Variants in PBX2 observed in about 807,000 individuals in gnomAD.
PBX2 encodes PBX homeobox 2.
PBX2 carries 10 observed loss-of-function variants against 46.5 expected under a neutral mutation model. That is an observed-to-expected ratio of 0.21 (90% CI 0.13 to 0.36). The LOEUF is 0.36. Ranked by LOEUF, PBX2 falls within the 10% of genes least tolerant of loss-of-function variation. PBX2 has a pLI of 1.00. For missense variants in PBX2, 392 were observed against 580.5 expected (o/e 0.68, Z 3.34); for synonymous variants, 160 against 222.5 (o/e 0.72, Z 2.50).
chr6:32,189,127 C>G lies in PBX2; in HGVS notation c.222-331G>C, dbSNP rs2269421. 1,877 of 453,642 alleles carry G rather than the reference C, an allele frequency of 4.1e-3. 66 individuals are homozygous for G. The East Asian group carries it at 0.068, about 17-fold the overall frequency. 28.1% of individuals were successfully genotyped at this position (453,642 alleles called of 1,614,324 possible). On this transcript the variant is annotated intron_variant, in intron 1 of 8. Coordinates refer to ENST00000375050, the MANE Select transcript of PBX2 (RefSeq NM_002586.5). This position sits in a 1 kb window ranked among gnomAD's most constrained non-coding sequence, Gnocchi z 4.7. ...TTGGTAGGTTTCAGAGGGAGAGAGA[C>G]AGAGGCTGGGGTTGAGAAGAGTCAG... is the stretch of plus-strand genomic sequence containing the variant.
Position 32,186,850 on chromosome 6 carries a change from A to G in PBX2, c.1076T>C (p.Met359Thr), listed in dbSNP as rs1202818760. The G allele has an allele frequency of 1.2e-6, 2 of 1,614,178 alleles. No homozygotes were observed. ...ATAGGAATCTCCGTTGAGCCCAGGC[A>G]TCCCCAGAAACATGTCTCCAGATCC... ...LSGSGDMFLG[M>T]PGLNGDSYSA... is the part of the protein sequence containing the mutation. The change falls in exon 7 of 9, where the codon ATG (methionine) becomes ACG (threonine). Residue 359 changes from methionine (M) to threonine (T), a missense_variant. Physicochemically the swap from Met to Thr is moderately conservative, Grantham distance 81 (BLOSUM62 -1). Around this residue, in one of 3 missense-constraint regions of PBX2, gnomAD observed 116 missense variants for 157.9 expected, o/e 0.73. Coordinates refer to ENST00000375050, the MANE Select transcript of PBX2 (RefSeq NM_002586.5). This position sits in a 1 kb window ranked among gnomAD's most constrained non-coding sequence, Gnocchi z 4.2.
chr6:32,186,624 A>G lies in PBX2; in HGVS notation c.1180T>C (p.Tyr394His). 1.9e-6 allele frequency: 3 copies of G among 1,611,754 alleles called. No individual in the cohort carries two copies. The highest frequency in any genetic ancestry group is 2.5e-6 in the Non-Finnish European group (3 of 1,177,928). ...CTCACCCTCATTTCCCGTGGGCTGT[A>G]CATCTGGCCTCCCCCGAGGTTATCC... ...YGDNLGGGQM[Y>H]SPREMRANGS... is the part of the protein sequence containing the mutation. Residue 394 changes from tyrosine to histidine, a missense_variant, in exon 8 of 9, where the codon TAC becomes CAC. Tyr to His is a moderately conservative substitution (Grantham distance 83). Coordinates refer to ENST00000375050, the MANE Select transcript of PBX2 (RefSeq NM_002586.5). This position sits in a 1 kb window ranked among gnomAD's most constrained non-coding sequence, Gnocchi z 4.2.
Position 32,189,767 on chromosome 6 carries a change from T to C in PBX2, c.149A>G (p.Lys50Arg). Residue 50 changes from lysine to arginine, a missense_variant, in exon 1 of 9, where the codon AAG becomes AGG. By Grantham distance (26) the Lys-to-Arg change is conservative (BLOSUM62 2). Coordinates refer to ENST00000375050, the MANE Select transcript of PBX2 (RefSeq NM_002586.5). The surrounding 1 kb of genome is among the most constrained non-coding windows in gnomAD (Gnocchi z 4.7). Reference sequence around the variant, plus strand: ...CTGCAGAATGTCCCCGATGTCTTGCTTCCCTCGGCCTCCCGGGACCCCCCC... The same window carrying C: ...CTGCAGAATGTCCCCGATGTCTTGCCTCCCTCGGCCTCCCGGGACCCCCCC... Reference protein sequence around the residue: ...GSGGVPGGRGKQDIGDILQQI... With the variant: ...GSGGVPGGRGRQDIGDILQQI... 6.2e-7 allele frequency: 1 copy of C among 1,605,990 alleles called. No individual in the cohort carries two copies. Among genetic ancestry groups the C allele is most frequent in the Non-Finnish European group, 8.5e-7 (1 of 1,176,580 alleles).
In PBX2 at chr6:32,186,948, G is replaced by A. The variant is rs1236656384; in HGVS notation, c.1025-47C>T. On this transcript the variant is annotated intron_variant, in intron 6 of 8. Coordinates refer to ENST00000375050, the MANE Select transcript of PBX2 (RefSeq NM_002586.5). This position sits in a 1 kb window ranked among gnomAD's most constrained non-coding sequence, Gnocchi z 4.2. The stretch of plus-strand genomic sequence containing the variant: ...GAGTGTAATAGAGCCCGTGATGGTA[G>A]AGGATGAACCACAACTCTCAACTCT... 3 of 1,512,208 alleles carry A rather than the reference G, an allele frequency of 2.0e-6. No individual in the cohort carries two copies. Among genetic ancestry groups the A allele is most frequent in the Non-Finnish European group, 2.8e-6 (3 of 1,089,618 alleles). 93.7% of individuals were successfully genotyped at this position (1,512,208 alleles called of 1,614,324 possible).
In PBX2 at chr6:32,187,009, A is replaced by C; in HGVS notation, c.1025-108T>G. The C allele has an allele frequency of 8.8e-7, 1 of 1,132,288 alleles. No individual in the cohort carries two copies. The highest frequency in any genetic ancestry group is 1.3e-6 in the Non-Finnish European group (1 of 770,922). The allele number at this position is 1,132,288 out of a possible 1,614,324, so 70.1% of individuals were successfully genotyped here. ...TGCTACTATACTCCAATTATCCACAAAATAACATTCCAACACACAGAAAGA... is the reference window on the plus strand; with the variant it reads ...TGCTACTATACTCCAATTATCCACACAATAACATTCCAACACACAGAAAGA... On this transcript the variant is annotated intron_variant, in intron 6 of 8. Transcript: ENST00000375050. The surrounding 1 kb of genome is among the most constrained non-coding windows in gnomAD (Gnocchi z 7.7).
rs1369017994 is a variant in PBX2 at position 32,186,764 on chromosome 6, G to T, written c.1113+49C>A. ...AAGAGGTCTTGTATCCTAAAGTAGA[G>T]GAAATGGAGTTGGGGAAAGCCCTAT... On this transcript the variant is annotated intron_variant, in intron 7 of 8. Transcript: ENST00000375050. This position sits in a 1 kb window ranked among gnomAD's most constrained non-coding sequence, Gnocchi z 4.2. 1 of 1,598,898 alleles carries T rather than the reference G, an allele frequency of 6.3e-7. No individual in the cohort carries two copies. Among genetic ancestry groups the T allele is most frequent in the Non-Finnish European group, 8.6e-7 (1 of 1,166,138 alleles).
rs896827069 is a variant in PBX2, at chr6:32,186,802, G to A, written c.1113+11C>T. On this transcript the variant is annotated intron_variant, in intron 7 of 8. Coordinates refer to ENST00000375050, the MANE Select transcript of PBX2 (RefSeq NM_002586.5). This position sits in a 1 kb window ranked among gnomAD's most constrained non-coding sequence, Gnocchi z 4.2. Reference sequence around the variant, plus strand: ...GGGAAAGCCCTATTCGAGAGGAGATGGGCATCTGACCTGGGAAGCAGAATA... The same window carrying A: ...GGGAAAGCCCTATTCGAGAGGAGATAGGCATCTGACCTGGGAAGCAGAATA... The A allele has an allele frequency of 1.9e-6, 3 of 1,611,980 alleles. No homozygotes were observed. Among genetic ancestry groups the A allele is most frequent in the African/African-American group, 1.3e-5 (1 of 74,876 alleles).
Position 32,186,074 on chromosome 6 carries a change from CAG to C in PBX2, c.*306_*307del, listed in dbSNP as rs1293066996. ...GGTGTGGGAGAGGGAGAGAGAAAGA[CAG>C]AGGAGAAAAAGGGGTCTGAGAAATA... is the stretch of plus-strand genomic sequence containing the variant. On this transcript the variant is annotated 3_prime_UTR_variant, in exon 9 of 9. Transcript: ENST00000375050. This position sits in a 1 kb window ranked among gnomAD's most constrained non-coding sequence, Gnocchi z 4.2. The C allele has an allele frequency of 2.5e-6, 1 of 399,566 alleles. No individual in the cohort carries two copies. Among genetic ancestry groups the C allele is most frequent in the Non-Finnish European group, 4.5e-6 (1 of 220,232 alleles). 24.8% of individuals were successfully genotyped at this position (399,566 alleles called of 1,614,324 possible). A position where few individuals can be genotyped will look rare whatever the true frequency, so the allele number is the denominator to read the frequency against.
In PBX2 at chr6:32,184,744, A is replaced by G. The variant is rs1381525221; in HGVS notation, c.*1638T>C. 2 of 156,808 alleles carry G rather than the reference A, an allele frequency of 1.3e-5. No homozygotes were observed. Among genetic ancestry groups the G allele is most frequent in the Non-Finnish European group, 2.8e-5 (2 of 71,398 alleles). 9.7% of individuals were successfully genotyped at this position (156,808 alleles called of 1,614,324 possible). On this transcript the variant is annotated 3_prime_UTR_variant, in exon 9 of 9. Transcript: ENST00000375050. ...AATTCTCAACTAAACCCAGGGAAAA[A>G]AGAAATTTCTTTATTTAAAACTGCA...
At position 32,189,721 on chromosome 6, in the gene PBX2, G is replaced by A; in HGVS notation, c.195C>T (p.Asp65=). 3.7e-6 allele frequency: 6 copies of A among 1,610,106 alleles called. No homozygotes were observed. The highest frequency in any genetic ancestry group is 5.1e-6 in the Non-Finnish European group (6 of 1,178,368). ...TGGCCTGGGCCTCGTCCAGGCTCTGGTCGGTGATGGTCATTATCTGCTGCA... is the reference window on the plus strand; with the variant it reads ...TGGCCTGGGCCTCGTCCAGGCTCTGATCGGTGATGGTCATTATCTGCTGCA... ...DILQQIMTIT[D]QSLDEAQAKK... The change falls in exon 1 of 9, where the codon GAC becomes GAT. Residue 65 remains aspartate (D), a synonymous_variant. Transcript: ENST00000375050. The surrounding 1 kb of genome is among the most constrained non-coding windows in gnomAD (Gnocchi z 4.7).
rs1787193240 is a variant in PBX2, at chr6:32,187,395, C to T, written c.871G>A (p.Val291Ile). Reference sequence around the variant, plus strand: ...CTCTTGTTGCCAAACCAGTTGGAGACCTGTGGGGCAGAAAGGAGGGTCAGG... The same window carrying T: ...CTCTTGTTGCCAAACCAGTTGGAGATCTGTGGGGCAGAAAGGAGGGTCAGG... ...AKKCGITVSQ[V>I]SNWFGNKRIR... The change falls in exon 6 of 9, where the codon GTC (valine) becomes ATC (isoleucine). Residue 291 changes from valine (V) to isoleucine (I), a missense_variant and splice_region_variant. By Grantham distance (29) the Val-to-Ile change is conservative. Coordinates refer to ENST00000375050, the MANE Select transcript of PBX2 (RefSeq NM_002586.5). This position sits in a 1 kb window ranked among gnomAD's most constrained non-coding sequence, Gnocchi z 7.7. The T allele has an allele frequency of 1.9e-6, 3 of 1,612,770 alleles. No homozygotes were observed. Among genetic ancestry groups the T allele is most frequent in the East Asian group, 4.5e-5 (2 of 44,886 alleles).
Position 32,187,009 on chromosome 6 carries a change from A to G in PBX2, c.1025-108T>C. The stretch of plus-strand genomic sequence containing the variant: ...TGCTACTATACTCCAATTATCCACA[A>G]AATAACATTCCAACACACAGAAAGA... On this transcript the variant is annotated intron_variant, in intron 6 of 8. Coordinates refer to ENST00000375050, the MANE Select transcript of PBX2 (RefSeq NM_002586.5). This position sits in a 1 kb window ranked among gnomAD's most constrained non-coding sequence, Gnocchi z 7.7. 2.6e-6 allele frequency: 3 copies of G among 1,132,288 alleles called. No homozygotes were observed. Among genetic ancestry groups the G allele is most frequent in the Non-Finnish European group, 3.9e-6 (3 of 770,922 alleles). The allele number at this position is 1,132,288 out of a possible 1,614,324, so 70.1% of individuals were successfully genotyped here.
rs905031955 is a variant in PBX2 at position 32,189,029 on chromosome 6, G to C, written c.222-233C>G. ...GGAAGATGCAGGCAGCAGGTTAAAGGCTGCGGGCTTTGGGAGATGGTCTAG... is the reference window on the plus strand; with the variant it reads ...GGAAGATGCAGGCAGCAGGTTAAAGCCTGCGGGCTTTGGGAGATGGTCTAG... On this transcript the variant is annotated intron_variant, in intron 1 of 8. Coordinates refer to ENST00000375050, the MANE Select transcript of PBX2 (RefSeq NM_002586.5). The surrounding 1 kb of genome is among the most constrained non-coding windows in gnomAD (Gnocchi z 4.7). The C allele has an allele frequency of 6.6e-5, 37 of 563,242 alleles. No individual in the cohort carries two copies. Among genetic ancestry groups the C allele is most frequent in the South Asian group, 1.4e-4 (6 of 42,762 alleles). The allele number at this position is 563,242 out of a possible 1,614,324, so 34.9% of individuals were successfully genotyped here.
chr6:32,187,617 T>C lies in PBX2; in HGVS notation c.870+30A>G. ...CTAGCTGAGATGCGTGCACTTTGCC[T>C]GACAACTCCTCCCGCAACCTCCATA... On this transcript the variant is annotated intron_variant, in intron 5 of 8. Transcript: ENST00000375050. The surrounding 1 kb of genome is among the most constrained non-coding windows in gnomAD (Gnocchi z 7.7). The C allele has an allele frequency of 6.4e-7, 1 of 1,574,440 alleles. No individual in the cohort carries two copies. The highest frequency in any genetic ancestry group is 8.6e-7 in the Non-Finnish European group (1 of 1,159,650).
rs1176205820 is a variant in PBX2, at chr6:32,189,945, C to T, written c.-30G>A. On this transcript the variant is annotated 5_prime_UTR_variant, in exon 1 of 9. Coordinates refer to ENST00000375050, the MANE Select transcript of PBX2 (RefSeq NM_002586.5). The surrounding 1 kb of genome is among the most constrained non-coding windows in gnomAD (Gnocchi z 4.7). Reference sequence around the variant, plus strand: ...GGGGGGGGGCCCTGAGGCCCCCTCCCTGCTCCGCCCCTCCCCCCGCCTGGT... The same window carrying T: ...GGGGGGGGGCCCTGAGGCCCCCTCCTTGCTCCGCCCCTCCCCCCGCCTGGT... The T allele has an allele frequency of 2.3e-5, 23 of 994,300 alleles. No homozygotes were observed. The allele number at this position is 994,300 out of a possible 1,614,324, so 61.6% of individuals were successfully genotyped here.
Position 32,186,694 on chromosome 6 carries a change from C to T in PBX2, c.1114-4G>A, listed in dbSNP as rs2127447113. ...TCGAGTGTCGGAGTGATTCCACCTG[C>T]AGGCAGCAGAGGAAGGTATGACAGT... is the stretch of plus-strand genomic sequence containing the variant. On this transcript the variant is annotated splice_region_variant and splice_polypyrimidine_tract_variant and intron_variant, in intron 7 of 8. Coordinates refer to ENST00000375050, the MANE Select transcript of PBX2 (RefSeq NM_002586.5). The surrounding 1 kb of genome is among the most constrained non-coding windows in gnomAD (Gnocchi z 4.2). The T allele has an allele frequency of 6.2e-7, 1 of 1,611,754 alleles. No individual in the cohort carries two copies. The highest frequency in any genetic ancestry group is 8.5e-7 in the Non-Finnish European group (1 of 1,177,820).
chr6:32,189,383 G>C lies in PBX2; in HGVS notation c.221+312C>G, dbSNP rs1286008513. 6.6e-6 allele frequency among the ~76,000 whole-genome samples: 1 copy of C among 152,072 alleles called. No homozygotes were observed. Among genetic ancestry groups the C allele is most frequent in the Non-Finnish European group, 1.5e-5 (1 of 68,000 alleles). ...TAGGGGAGAAGATAACGTAGCCCAA[G>C]AACAGTTTCTTAGTCTGGGAGCCAG... On this transcript the variant is annotated intron_variant, in intron 1 of 8. Coordinates refer to ENST00000375050, the MANE Select transcript of PBX2 (RefSeq NM_002586.5). The surrounding 1 kb of genome is among the most constrained non-coding windows in gnomAD (Gnocchi z 4.7).
Position 32,186,120 on chromosome 6 carries a change from T to C in PBX2, c.*262A>G, listed in dbSNP as rs777698053. On this transcript the variant is annotated 3_prime_UTR_variant, in exon 9 of 9. Transcript: ENST00000375050. This position sits in a 1 kb window ranked among gnomAD's most constrained non-coding sequence, Gnocchi z 4.2. Reference sequence around the variant, plus strand: ...AGAAATAGGTTTCTCGGTATGTGTATGTTTCTGTGTAAGAAAGAAAGCGAG... The same window carrying C: ...AGAAATAGGTTTCTCGGTATGTGTACGTTTCTGTGTAAGAAAGAAAGCGAG... 4.6e-5 allele frequency: 25 copies of C among 547,444 alleles called. No homozygotes were observed. Among genetic ancestry groups the C allele is most frequent in the East Asian group, 8.9e-5 (3 of 33,778 alleles). 33.9% of individuals were successfully genotyped at this position (547,444 alleles called of 1,614,324 possible).
chr6:32,189,973 C>T lies in PBX2; in HGVS notation c.-58G>A. The stretch of plus-strand genomic sequence containing the variant: ...CTCCGCCCCTCCCCCCGCCTGGTTA[C>T]TTCTCCCCCCAAACTCGCTGGGGCC... On this transcript the variant is annotated 5_prime_UTR_variant, in exon 1 of 9. Coordinates refer to ENST00000375050, the MANE Select transcript of PBX2 (RefSeq NM_002586.5). This position sits in a 1 kb window ranked among gnomAD's most constrained non-coding sequence, Gnocchi z 4.7. The T allele has an allele frequency of 1.3e-6, 1 of 788,976 alleles. No homozygotes were observed. Among genetic ancestry groups the T allele is most frequent in the Non-Finnish European group, 1.9e-6 (1 of 536,658 alleles). 48.9% of individuals were successfully genotyped at this position (788,976 alleles called of 1,614,324 possible).
Sources: allele counts gnomAD v4.1 joint callset (sites outside exome capture counted in the v4.1 genomes callset), GRCh38; gene constraint gnomAD v4.1.1; regional missense constraint gnomAD v4.1.1; non-coding constraint Gnocchi (gnomAD v3.1); transcripts MANE v1.5; gene names NCBI Gene and HGNC (gene_info 2026-07-23, HGNC 2026-07-21).